The following STARD13 variants were observed in gnomAD, a reference collection of about 807,000 sequenced individuals.
The protein encoded by STARD13 is stAR-related lipid transfer protein 13.
Under a neutral mutation model 106.4 loss-of-function variants are expected in STARD13, and 62 were observed. The observed-to-expected ratio is 0.58, with a 90% CI of 0.48 to 0.72. The LOEUF is 0.72. STARD13 is among the 30% of genes least tolerant of loss of function. The pLI, the probability that STARD13 is intolerant of heterozygous loss-of-function variation, is 0.00. For missense variants in STARD13, 1,387 were observed against 1,424.0 expected, an observed-to-expected ratio of 0.97 and a Z score of 0.42; for synonymous variants, 565 against 553.0, an observed-to-expected ratio of 1.02 and a Z score of -0.31.
chr13:33,635,803 C>T, the STARD13 span, among the ~76,000 whole-genome samples: 3 of 149,762 alleles, frequency 2.0e-5, no homozygotes, highest in Non-Finnish European at 4.4e-5. Context: ...GCCAATGTGG[C>T]GACACCCCGT....
chr13:33,170,661 G>C (rs1043267893), intron 1 of STARD13, among the ~76,000 whole-genome samples: 5 of 152,072 alleles, frequency 3.3e-5, no homozygotes, highest in Non-Finnish European at 7.4e-5. Flanking sequence ...TCCTAGCCAT[G>C]GCAGGTGACT....
chr13:33,119,415 T>C (rs990882378), intron 7 of STARD13, among the ~76,000 whole-genome samples: 1 of 152,116 alleles, frequency 6.6e-6, no homozygotes, highest in Non-Finnish European at 1.5e-5. Context: ...ATCCCCCCTA[T>C]ACCTGGAGGA....
the STARD13 span, among the ~76,000 whole-genome samples, chr13:33,635,255 C>A: frequency 7.2e-6 from 1 of 138,048 alleles, no homozygotes; most frequent in Admixed American, 7.1e-5. Context: ...CCAGACTGCC[C>A]GGGGTTAAAA....
At chr13:33,449,235 G>C in the STARD13 span, among the ~76,000 whole-genome samples, 1 of 151,906 alleles carries the variant, frequency 6.6e-6, no homozygotes, top group African/African-American at 2.4e-5. Context: ...TGTAGTTTTG[G>C]GTCTTACATT....
the STARD13 span, among the ~76,000 whole-genome samples, chr13:33,381,403 TCAGAAAA>T: frequency 1.3e-5 from 2 of 152,268 alleles, no homozygotes; most frequent in Admixed American, 1.3e-4. Flanking sequence ...CATTACATAT[TCAGAAAA>T]GCATTCAGAA....
the STARD13 span, among the ~76,000 whole-genome samples, chr13:33,666,998 C>T: frequency 1.3e-5 from 2 of 152,218 alleles, no homozygotes; most frequent in Admixed American, 1.3e-4. Context: ...GAATTTACTT[C>T]CGTTAACCAC....
At chr13:33,657,111 A>T in the STARD13 span, among the ~76,000 whole-genome samples, 1 of 152,162 alleles carries the variant, frequency 6.6e-6, no homozygotes, top group African/African-American at 2.4e-5. Context: ...CTACTAAAAA[A>T]TACAAAAAAT....
chr13:33,250,019 G>A (rs1442816787), intron 1 of STARD13, among the ~76,000 whole-genome samples: 2 of 151,956 alleles, frequency 1.3e-5, no homozygotes, highest in African/African-American at 2.4e-5. Context: ...TTGAACTCCC[G>A]GGCTCAAGTG....
At chr13:33,439,616 T>C in the STARD13 span, 1 of 726,478 alleles carries the variant, frequency 1.4e-6, no homozygotes, top group South Asian at 1.5e-5. Context: ...CATGTTTAAA[T>C]TTATAGGGAT....
Position 33,189,484 on chromosome 13 carries a change from C to T in STARD13, c.170-21862G>A, listed in dbSNP as rs547814870. Among the ~76,000 whole-genome samples the T allele has an allele frequency of 1.4e-4, 20 of 147,880 alleles. 1 individual carries two copies. In the South Asian group the frequency reaches 4.0e-3, roughly 30 times the overall value. ...AAAGGGAAGGGACTCTCTGGTTTGT[C>T]GTCCTTTCAAAATTCCTAAACAAAT... On this transcript the variant is annotated intron_variant, in intron 1 of 13. Coordinates refer to ENST00000336934, the MANE Select transcript of STARD13 (RefSeq NM_178006.4).
chr13:33,622,954 C>G, the STARD13 span, among the ~76,000 whole-genome samples: 253 of 151,238 alleles, frequency 1.7e-3, no homozygotes, highest in African/African-American at 5.9e-3. Context: ...CAAAAATCAG[C>G]TGGGTGTGGT....
intron 1 of STARD13, among the ~76,000 whole-genome samples, chr13:33,256,586 T>C (rs1890375607): frequency 6.6e-6 from 1 of 152,248 alleles, no homozygotes; most frequent in South Asian, 2.1e-4. Flanking sequence ...ATGGTAATCA[T>C]AGGGGTATTT....
At chr13:33,382,602 A>G in the STARD13 span, among the ~76,000 whole-genome samples, 1 of 152,226 alleles carries the variant, frequency 6.6e-6, no homozygotes, top group African/African-American at 2.4e-5. Context: ...AAACAAATAA[A>G]CATGGATTCA....
chr13:33,109,898 G>A lies in STARD13; in HGVS notation c.3022C>T (p.Pro1008Ser), dbSNP rs114645645. 750 of 1,614,246 alleles carry A rather than the reference G, an allele frequency of 4.6e-4. 7 individuals are homozygous for A. In the African/African-American group the frequency reaches 8.1e-3, roughly 18 times the overall value. ...CTGAGAACCACAAAGTCTCTGGAAG[G>A]ATGGGGAGCCATGCTGTTCAGCACA... ...QYVLNSMAPH[P>S]SRDFVVLRTW... The change falls in exon 12 of 14, where the codon CCT becomes TCT. Residue 1008 changes from proline (P) to serine (S), a missense_variant. Pro to Ser is a moderately conservative substitution (Grantham distance 74). Transcript: ENST00000336934.
chr13:33,603,064 G>C, the STARD13 span, among the ~76,000 whole-genome samples: 2 of 151,962 alleles, frequency 1.3e-5, no homozygotes, highest in African/African-American at 2.4e-5. Context: ...AGGATCCCTC[G>C]GGCCAAGGAT....
the STARD13 span, among the ~76,000 whole-genome samples, chr13:33,637,769 A>G: frequency 2.6e-5 from 4 of 152,356 alleles, no homozygotes; most frequent in South Asian, 6.2e-4. Flanking sequence ...TATCCTATGG[A>G]AAGAAATTCA....
At chr13:33,221,500 A>T (rs1888352520) in intron 1 of STARD13, among the ~76,000 whole-genome samples, 1 of 152,176 alleles carries the variant, frequency 6.6e-6, no homozygotes, top group African/African-American at 2.4e-5. Context: ...TCTTACTTTG[A>T]CATGCATCCC....
exon 1 of STARD13, chr13:33,350,611 A>C: frequency 7.2e-7 from 1 of 1,380,842 alleles, no homozygotes; most frequent in Non-Finnish European, 9.3e-7. Context: ...TGGCCACCAG[A>C]AACGCCGCGC....
intron 1 of STARD13, among the ~76,000 whole-genome samples, chr13:33,331,237 G>A (rs745597988): frequency 7.9e-5 from 12 of 152,092 alleles, no homozygotes; most frequent in Non-Finnish European, 1.8e-4. Context: ...CCTGTGCTCT[G>A]TACTTCCTTC....
Sources: gnomAD v4.1 joint callset for allele counts (sites outside exome capture counted in the v4.1 genomes callset) on GRCh38, gnomAD v4.1.1 for gene constraint, MANE v1.5 for transcripts, NCBI Gene and HGNC (gene_info 2026-07-23, HGNC 2026-07-21) for gene names.